RAD51B: variants seen among roughly 807,000 people sequenced by gnomAD.
The protein encoded by RAD51B is RAD51 paralog B.
RAD51B carries 38 observed loss-of-function variants against 42.2 expected under a neutral mutation model. The ratio of observed to expected loss-of-function variants is 0.90; its 90% CI spans 0.70 to 1.18. The LOEUF is 1.18. Among genes scored for constraint, RAD51B ranks in the 50% most tolerant of loss-of-function variants. The pLI is 0.00. For missense variants in RAD51B, 373 were observed against 400.7 expected (o/e 0.93, Z 0.59); for synonymous variants, 154 against 145.2 (o/e 1.06, Z -0.43).
At chr14:68,086,310 G>T (rs569905521) in intron 7 of RAD51B, among the ~76,000 whole-genome samples, 2 of 152,264 alleles carry the variant, frequency 1.3e-5, no homozygotes, top group African/African-American at 4.8e-5. Context: ...CTGTCCAGCT[G>T]CCCGTGTGTT....
chr14:68,191,099 T>C (rs1240728083), intron 7 of RAD51B, among the ~76,000 whole-genome samples: 1 of 152,220 alleles, frequency 6.6e-6, no homozygotes, highest in African/African-American at 2.4e-5. Flanking sequence ...AAAGTACTTG[T>C]GTTAAATAAA....
At chr14:68,469,243 T>C in intron 10 of RAD51B, 1 of 301,730 alleles carries the variant, frequency 3.3e-6, no homozygotes, top group South Asian at 2.8e-5. Context: ...GGGCAGTCCC[T>C]GTAATTTCCC....
intron 11 of RAD51B, among the ~76,000 whole-genome samples, chr14:68,664,311 T>A (rs1355719319): frequency 2.8e-4 from 42 of 152,154 alleles, no homozygotes; most frequent in Admixed American, 2.7e-3. Context: ...TTCCTACTGA[T>A]TCAAACTAAG....
intron 7 of RAD51B, among the ~76,000 whole-genome samples, chr14:67,928,280 G>A (rs2044598749): frequency 6.6e-6 from 1 of 152,114 alleles, no homozygotes; most frequent in African/African-American, 2.4e-5. Context: ...GTCTTGCGCT[G>A]ATTTAGATAA....
intron 10 of RAD51B, among the ~76,000 whole-genome samples, chr14:68,648,529 A>G (rs990631030): frequency 7.9e-5 from 12 of 151,806 alleles, no homozygotes; most frequent in African/African-American, 1.7e-4. Flanking sequence ...TTGTGAGTTC[A>G]TTCTGCCTGG....
chr14:68,118,589 A>G (rs941828348), intron 7 of RAD51B, among the ~76,000 whole-genome samples: 2 of 152,228 alleles, frequency 1.3e-5, no homozygotes, highest in Non-Finnish European at 2.9e-5. Flanking sequence ...CAGCAATAAG[A>G]AGAAGGGTAA....
chr14:68,614,499 A>G (rs1595029168), downstream of RAD51B, among the ~76,000 whole-genome samples: 3 of 152,300 alleles, frequency 2.0e-5, no homozygotes, highest in Middle Eastern at 3.4e-3. Flanking sequence ...CTCCATATGC[A>G]TTGGCAGTCA....
intron 7 of RAD51B, among the ~76,000 whole-genome samples, chr14:68,044,544 AT>A (rs2076268347): frequency 6.6e-6 from 1 of 152,106 alleles, no homozygotes; most frequent in Non-Finnish European, 1.5e-5. Flanking sequence ...TTCCATCTAA[AT>A]TTTTTTAGAT....
intron 7 of RAD51B, among the ~76,000 whole-genome samples, chr14:68,062,205 T>C (rs896152512): frequency 1.3e-5 from 2 of 152,242 alleles, no homozygotes; most frequent in Non-Finnish European, 2.9e-5. Context: ...TTTATTGATT[T>C]GCATATGTTG....
chr14:68,146,800 G>T (rs937504304), intron 7 of RAD51B, among the ~76,000 whole-genome samples: 1 of 152,054 alleles, frequency 6.6e-6, no homozygotes, highest in Non-Finnish European at 1.5e-5. Context: ...TGTTTTTTCA[G>T]TAAAGGTGAA....
chr14:68,286,673 G>A (rs1327000979), intron 7 of RAD51B, among the ~76,000 whole-genome samples: 1 of 152,148 alleles, frequency 6.6e-6, no homozygotes, highest in Non-Finnish European at 1.5e-5. Flanking sequence ...CCCCACCAAA[G>A]ATATTTCTAA....
intron 9 of RAD51B, among the ~76,000 whole-genome samples, chr14:68,412,106 C>T (rs1228110000): frequency 1.3e-5 from 2 of 152,238 alleles, no homozygotes; most frequent in African/African-American, 2.4e-5. Context: ...CCTTCCCTTA[C>T]ATCCAGAAAG....
intron 8 of RAD51B, among the ~76,000 whole-genome samples, chr14:68,356,434 CAAAAA>C (rs55768026): frequency 4.7e-5 from 5 of 106,396 alleles, no homozygotes; most frequent in Non-Finnish European, 4.0e-5. Flanking sequence ...GACTCCGTCT[CAAAAA>C]AAAAAAAAAA....
intron 7 of RAD51B, among the ~76,000 whole-genome samples, chr14:67,946,762 G>T (rs867213229): frequency 1.3e-5 from 2 of 152,040 alleles, no homozygotes; most frequent in Non-Finnish European, 2.9e-5. Context: ...AAACACACAG[G>T]TTTAAGGAGA....
chr14:68,088,915 T>G (rs1054932283), intron 7 of RAD51B, among the ~76,000 whole-genome samples: 12 of 152,266 alleles, frequency 7.9e-5, no homozygotes, highest in African/African-American at 2.9e-4. Flanking sequence ...TACCTTCTTA[T>G]GCTTCATTTC....
intron 8 of RAD51B, among the ~76,000 whole-genome samples, chr14:68,349,515 T>C (rs900372269): frequency 6.6e-6 from 1 of 152,118 alleles, no homozygotes; most frequent in African/African-American, 2.4e-5. Flanking sequence ...TGCAGGTTCG[T>C]GCCCGACGCC....
chr14:67,989,102 T>A (rs1233909976), intron 7 of RAD51B, among the ~76,000 whole-genome samples: 1 of 152,222 alleles, frequency 6.6e-6, no homozygotes, highest in African/African-American at 2.4e-5. Flanking sequence ...GGTTTCCTGA[T>A]CTATCCACTA....
At chr14:68,567,203 G>C (rs1038123947) in intron 10 of RAD51B, among the ~76,000 whole-genome samples, 1 of 152,136 alleles carries the variant, frequency 6.6e-6, no homozygotes, top group African/African-American at 2.4e-5. Context: ...GGAGGCTGAG[G>C]CAGGAGAATC....
chr14:68,634,601 A>G (rs903549905), intron 10 of RAD51B, among the ~76,000 whole-genome samples: 6 of 152,126 alleles, frequency 3.9e-5, no homozygotes, highest in Non-Finnish European at 7.4e-5. Flanking sequence ...CTACAGAGCC[A>G]CCGAAACCCT....
Sources: allele counts gnomAD v4.1 joint callset (sites outside exome capture counted in the v4.1 genomes callset), GRCh38; gene constraint gnomAD v4.1.1; transcripts MANE v1.5; gene names NCBI Gene and HGNC (gene_info 2026-07-23, HGNC 2026-07-21).